The following RAD23B variants were observed in gnomAD, a reference collection of about 807,000 sequenced individuals.
The protein encoded by RAD23B is RAD23 nucleotide excision repair protein B.
In RAD23B, 5 loss-of-function variants were observed where a neutral mutation model predicts 49.1. That is an observed-to-expected ratio of 0.10 (90% CI 0.05 to 0.21). RAD23B has a LOEUF of 0.21. RAD23B is among the 10% of genes least tolerant of loss of function. The pLI is 1.00. For synonymous variants in RAD23B, 184 were observed against 165.4 expected, an observed-to-expected ratio of 1.11 and a Z score of -0.86; for missense variants, 356 against 486.7, an observed-to-expected ratio of 0.73 and a Z score of 2.53.
At chr9:107,284,698 ATAC>A (rs1298436077) in intron 1 of RAD23B, 1 of 1,111,306 alleles carries the variant, frequency 9.0e-7, no homozygotes, top group Non-Finnish European at 1.1e-6. Flanking sequence ...GATTGTCATA[ATAC>A]TAAGTTTAAA....
At chr9:107,289,886 G>C (rs1218060655) in intron 1 of RAD23B, among the ~76,000 whole-genome samples, 1 of 152,204 alleles carries the variant, frequency 6.6e-6, no homozygotes, top group Non-Finnish European at 1.5e-5. Flanking sequence ...CTCAGTGTTT[G>C]TACTTGCACC....
intron 1 of RAD23B, among the ~76,000 whole-genome samples, chr9:107,288,401 AT>A (rs1238139819): frequency 6.6e-6 from 1 of 152,240 alleles, no homozygotes; most frequent in Admixed American, 6.5e-5. Flanking sequence ...TTGAAATAGG[AT>A]AAAGTATTTG....
chr9:107,283,718 G>GGGGCA, intron 1 of RAD23B, 23 bp downstream of exon 1: 1 of 1,425,214 alleles, frequency 7.0e-7, no homozygotes, highest in Non-Finnish European at 9.2e-7. Flanking sequence ...GCCGGGGGCA[G>GGGGCA]GGGCAGCCGC....
At chr9:107,304,256 A>G (rs1163856760) in intron 3 of RAD23B, among the ~76,000 whole-genome samples, 1 of 152,232 alleles carries the variant, frequency 6.6e-6, no homozygotes, top group Non-Finnish European at 1.5e-5. Flanking sequence ...GTTACATTGC[A>G]ATATTATTTT....
At chr9:107,293,389 T>C (rs1433993173) in intron 1 of RAD23B, among the ~76,000 whole-genome samples, 1 of 152,166 alleles carries the variant, frequency 6.6e-6, no homozygotes, top group East Asian at 1.9e-4. Flanking sequence ...CTCATAGAGA[T>C]GTAGTACAGA....
In RAD23B at chr9:107,306,055, ATATATATATATATATATCTATATATC is replaced by A. The variant is rs1564245486; in HGVS notation, c.229-314_229-289del. On this transcript the variant is annotated intron_variant, in intron 3 of 9. Coordinates refer to ENST00000358015, the MANE Select transcript of RAD23B (RefSeq NM_002874.5). ...GGAAAATGATACGGTTTATATCTAT[ATATATATATATATATATCTATATATC>A]TATATATATTTCAAATTTTTTATTT... is the stretch of plus-strand genomic sequence containing the variant. Among the ~76,000 whole-genome samples the A allele has an allele frequency of 1.9e-4, 10 of 53,924 alleles. 2 individuals are homozygous for A. Among genetic ancestry groups the A allele is most frequent in the African/African-American group, 7.7e-4 (10 of 12,938 alleles). 35.4% of individuals were successfully genotyped at this position (53,924 alleles called of 152,430 possible).
At chr9:107,316,222 A>C (rs1169453334) in intron 5 of RAD23B, among the ~76,000 whole-genome samples, 4 of 152,146 alleles carry the variant, frequency 2.6e-5, no homozygotes, top group Non-Finnish European at 5.9e-5. Context: ...CATGTTGGCC[A>C]GGATGGTCTC....
At chr9:107,300,066 CATT>C in intron 1 of RAD23B, 72 bp from the exon 2 acceptor site, 4 of 1,511,616 alleles carry the variant, frequency 2.6e-6, no homozygotes, top group South Asian at 1.3e-5. Flanking sequence ...TTTTGTCTTC[CATT>C]ATTTATTCAG....
intron 3 of RAD23B, among the ~76,000 whole-genome samples, chr9:107,304,899 A>G (rs59489709): frequency 0.02 from 3,099 of 152,266 alleles, 94 homozygotes; most frequent in African/African-American, 0.068. Context: ...CCTACTCTTG[A>G]CCAGAAGCCT....
At chr9:107,302,496 A>T (rs979586721) in intron 3 of RAD23B, among the ~76,000 whole-genome samples, 1 of 152,172 alleles carries the variant, frequency 6.6e-6, no homozygotes, top group Admixed American at 6.5e-5. Flanking sequence ...TAAATTACGT[A>T]CTAGTCCTAA....
At chr9:107,319,949 C>T (rs1366754641) in intron 6 of RAD23B, among the ~76,000 whole-genome samples, 1 of 152,112 alleles carries the variant, frequency 6.6e-6, no homozygotes, top group African/African-American at 2.4e-5. Flanking sequence ...CTGAATTGCC[C>T]TAAATATCAT....
Position 107,318,659 on chromosome 9 carries a change from T to C in RAD23B, c.554-93T>C, listed in dbSNP as rs1827042842. ...CATCTTTGTATTCCCAGCATAGTAGTTCCTGAAATGTTGTATACATGAATC... is the reference window on the plus strand; with the variant it reads ...CATCTTTGTATTCCCAGCATAGTAGCTCCTGAAATGTTGTATACATGAATC... On this transcript the variant is annotated intron_variant, in intron 5 of 9. Transcript: ENST00000358015. The surrounding 1 kb of genome is among the most constrained non-coding windows in gnomAD (Gnocchi z 4.3). 7.6e-7 allele frequency: 1 copy of C among 1,320,434 alleles called. No homozygotes were observed. The highest frequency in any genetic ancestry group is 2.0e-5 in the Admixed American group (1 of 49,578). 81.8% of individuals were successfully genotyped at this position (1,320,434 alleles called of 1,614,324 possible).
chr9:107,293,641 A>G (rs11573632), intron 1 of RAD23B, among the ~76,000 whole-genome samples: 3,362 of 152,282 alleles, frequency 0.022, 120 homozygotes, highest in African/African-American at 0.074. Context: ...TTGCTGACCT[A>G]ATTAACAAGC....
chr9:107,304,660 T>G (rs1826723395), intron 3 of RAD23B, among the ~76,000 whole-genome samples: 2 of 152,224 alleles, frequency 1.3e-5, no homozygotes, highest in Admixed American at 1.3e-4. Flanking sequence ...TATGTTGAAT[T>G]TAAGCCTTGT....
Position 107,318,732 on chromosome 9 carries a change from C to A in RAD23B, c.554-20C>A. 1 of 1,594,536 alleles carries A rather than the reference C, an allele frequency of 6.3e-7. No individual in the cohort carries two copies. The highest frequency in any genetic ancestry group is 1.1e-5 in the South Asian group (1 of 88,792). ...ATTTATTAAATGTTCCTTTTTTTCCCCTCCACCCTCCCTTTTTAGTGACGG... is the reference window on the plus strand; with the variant it reads ...ATTTATTAAATGTTCCTTTTTTTCCACTCCACCCTCCCTTTTTAGTGACGG... On this transcript the variant is annotated intron_variant, in intron 5 of 9. Coordinates refer to ENST00000358015, the MANE Select transcript of RAD23B (RefSeq NM_002874.5). The surrounding 1 kb of genome is among the most constrained non-coding windows in gnomAD (Gnocchi z 4.3).
At chr9:107,325,705 T>G (rs1337863170) in intron 9 of RAD23B, among the ~76,000 whole-genome samples, 1 of 152,242 alleles carries the variant, frequency 6.6e-6, no homozygotes, top group East Asian at 1.9e-4. Flanking sequence ...ACAGTTTTAC[T>G]TCTTTTCCAA....
Position 107,330,769 on chromosome 9 carries a change from CTT to C in RAD23B, c.*1116_*1117del, listed in dbSNP as rs960832799. ...GGTAGACAAAACTATAATCCAGCAT[CTT>C]TTATTGCATTGGAAAGACTGGCAAA... On this transcript the variant is annotated 3_prime_UTR_variant, in exon 10 of 10. Coordinates refer to ENST00000358015, the MANE Select transcript of RAD23B (RefSeq NM_002874.5). The surrounding 1 kb of genome is among the most constrained non-coding windows in gnomAD (Gnocchi z 4.4). The C allele has an allele frequency of 5.9e-5, 9 of 152,616 alleles. No individual in the cohort carries two copies. Among genetic ancestry groups the C allele is most frequent in the African/African-American group, 1.9e-4 (8 of 41,446 alleles). 9.5% of individuals were successfully genotyped at this position (152,616 alleles called of 1,614,324 possible). A position where few individuals can be genotyped will look rare whatever the true frequency, so the allele number is the denominator to read the frequency against.
At chr9:107,313,781 C>G (rs1040063734) in intron 5 of RAD23B, among the ~76,000 whole-genome samples, 2 of 152,140 alleles carry the variant, frequency 1.3e-5, no homozygotes, top group African/African-American at 4.8e-5. Flanking sequence ...CAGTCTGATT[C>G]TTTTCTTGTT....
chr9:107,284,755 C>T (rs1034130161), intron 1 of RAD23B: 9 of 1,093,526 alleles, frequency 8.2e-6, no homozygotes, highest in Non-Finnish European at 1.0e-5. Context: ...GTAGTTGATT[C>T]TATTTTGGGT....
Sources: allele counts gnomAD v4.1 joint callset (sites outside exome capture counted in the v4.1 genomes callset), GRCh38; gene constraint gnomAD v4.1.1; non-coding constraint Gnocchi (gnomAD v3.1); transcripts MANE v1.5; gene names NCBI Gene and HGNC (gene_info 2026-07-23, HGNC 2026-07-21).